The following ARHGAP21 variants were observed in gnomAD, a reference collection of about 807,000 sequenced individuals.
ARHGAP21 encodes the protein Rho GTPase activating protein 21.
A neutral mutation model predicts 164.6 loss-of-function variants in ARHGAP21; 38 were observed. The ratio of observed to expected loss-of-function variants is 0.23; its 90% CI spans 0.18 to 0.30. The LOEUF (loss-of-function observed/expected upper bound fraction) is 0.30. Ranked by LOEUF, ARHGAP21 falls within the 10% of genes least tolerant of loss-of-function variation. The pLI is 1.00. For synonymous variants in ARHGAP21, 766 were observed against 857.9 expected, an observed-to-expected ratio of 0.89 and a Z score of 1.87; for missense variants, 1,822 against 2,370.7, an observed-to-expected ratio of 0.77 and a Z score of 4.81.
At chr10:24,721,404 G>A (rs2132356272) in intron 2 of ARHGAP21, among the ~76,000 whole-genome samples, 1 of 152,250 alleles carries the variant, frequency 6.6e-6, no homozygotes, top group South Asian at 2.1e-4. Flanking sequence ...TAAGTTCCAG[G>A]TGCAACAAGC....
chr10:24,715,503 T>C (rs1369010766), intron 2 of ARHGAP21, among the ~76,000 whole-genome samples: 2 of 152,210 alleles, frequency 1.3e-5, no homozygotes, highest in African/African-American at 4.8e-5. Flanking sequence ...CATGATCTCA[T>C]CTCTTAGTGG....
chr10:24,718,989 GGATATGAAAAGGGGT>G (rs1203610358), intron 2 of ARHGAP21, among the ~76,000 whole-genome samples: 3 of 151,776 alleles, frequency 2.0e-5, no homozygotes, highest in Non-Finnish European at 4.4e-5. Flanking sequence ...GAAGCTATAT[GGATATGAAAAGGGGT>G]GATAATATCA....
intron 7 of ARHGAP21, among the ~76,000 whole-genome samples, chr10:24,626,177 T>A (rs1835121094): frequency 6.6e-6 from 1 of 152,150 alleles, no homozygotes; most frequent in South Asian, 2.1e-4. Flanking sequence ...AATCTTTGAG[T>A]CAATGGAGCC....
chr10:24,596,918 A>C, intron 16 of ARHGAP21, 36 bp from the exon 17 acceptor site: 1 of 1,576,912 alleles, frequency 6.3e-7, no homozygotes, highest in Non-Finnish European at 8.6e-7. Context: ...CAACATAATA[A>C]AATGGAAATG....
At chr10:24,592,223 G>GCATGATCA (rs2076365208) in intron 21 of ARHGAP21, among the ~76,000 whole-genome samples, 3 of 141,692 alleles carry the variant, frequency 2.1e-5, no homozygotes, top group African/African-American at 8.0e-5. Context: ...CAGTGCAGTG[G>GCATGATCA]CATGATCACA....
intron 2 of ARHGAP21, among the ~76,000 whole-genome samples, chr10:24,699,186 T>C (rs1198662648): frequency 6.6e-6 from 1 of 152,138 alleles, no homozygotes; most frequent in African/African-American, 2.4e-5. Context: ...TTTTTCAGTC[T>C]ACTTCTCTCC....
At chr10:24,628,892 TAC>T (rs1424896191) in intron 7 of ARHGAP21, 7 of 101,492 alleles carry the variant, frequency 6.9e-5, no homozygotes, top group Non-Finnish European at 1.0e-4. Context: ...CACATATATA[TAC>T]ATACATATAT....
intron 2 of ARHGAP21, among the ~76,000 whole-genome samples, chr10:24,678,722 A>C (rs1432026619): frequency 6.6e-6 from 1 of 152,140 alleles, no homozygotes; most frequent in Non-Finnish European, 1.5e-5. Context: ...TTTTAGAGAC[A>C]GGGTCTCACT....
intron 4 of ARHGAP21, among the ~76,000 whole-genome samples, chr10:24,645,905 AG>A: frequency 6.6e-6 from 1 of 152,298 alleles, no homozygotes; most frequent in Non-Finnish European, 1.5e-5. Context: ...AGGGAAAGGC[AG>A]GGCTGTTTTT....
intron 9 of ARHGAP21, among the ~76,000 whole-genome samples, chr10:24,615,122 G>A (rs557362615): frequency 2.6e-5 from 4 of 152,052 alleles, no homozygotes; most frequent in African/African-American, 4.8e-5. Flanking sequence ...CCCGGGAGGC[G>A]GAGGTTGCAG....
chr10:24,604,447 A>G (rs967520667), intron 11 of ARHGAP21, 99 bp from the exon 12 acceptor site: 14 of 758,438 alleles, frequency 1.8e-5, no homozygotes, highest in Non-Finnish European at 2.7e-5. Context: ...TTCAATAATA[A>G]TCTGACATTT....
Position 24,585,036 on chromosome 10 carries a change from T to C in ARHGAP21, c.5253A>G (p.Arg1751=). The change falls in exon 26 of 26, where the codon AGA becomes AGG. Residue 1751 remains arginine, a synonymous_variant. Coordinates refer to ENST00000396432, the MANE Select transcript of ARHGAP21 (RefSeq NM_020824.4). ...TGGGTTCCTGTTTTTCGGATTCGCC[T>C]CTGGTGGGTGTCAGTAAACTCCCAG... ...KSTGSLLTPT[R]GESEKQEPTW... 6.2e-7 allele frequency: 1 copy of C among 1,613,962 alleles called. No individual in the cohort carries two copies. The highest frequency in any genetic ancestry group is 8.5e-7 in the Non-Finnish European group (1 of 1,179,862).
At chr10:24,637,682 C>T (rs1836518051) in intron 4 of ARHGAP21, among the ~76,000 whole-genome samples, 1 of 152,096 alleles carries the variant, frequency 6.6e-6, no homozygotes, top group Admixed American at 6.6e-5. Context: ...GGTGTTAATT[C>T]TACAAAAGAA....
chr10:24,625,385 T>C (rs553932621), intron 7 of ARHGAP21, among the ~76,000 whole-genome samples: 1 of 150,852 alleles, frequency 6.6e-6, no homozygotes, highest in South Asian at 2.1e-4. Flanking sequence ...CTTTAACAGG[T>C]TATTAATTTA....
At chr10:24,719,127 A>ACACACC (rs1374934126) in intron 2 of ARHGAP21, among the ~76,000 whole-genome samples, 1 of 151,402 alleles carries the variant, frequency 6.6e-6, no homozygotes, top group East Asian at 2.0e-4. Context: ...ACACACACAC[A>ACACACC]CACCCCAAAA....
At chr10:24,721,653 T>A (rs557239867) in intron 2 of ARHGAP21, among the ~76,000 whole-genome samples, 184 bp downstream of exon 2, 9 of 151,956 alleles carry the variant, frequency 5.9e-5, no homozygotes, top group South Asian at 2.1e-4. Context: ...AACACGGGAG[T>A]CCCTGGAAAC....
intron 2 of ARHGAP21, among the ~76,000 whole-genome samples, chr10:24,677,679 G>C (rs1406942155): frequency 6.6e-6 from 1 of 152,188 alleles, no homozygotes. Context: ...TAAGAGGTAT[G>C]CTAGGCTTAG....
chr10:24,649,904 G>C (rs1010708871), intron 4 of ARHGAP21, among the ~76,000 whole-genome samples: 3 of 152,086 alleles, frequency 2.0e-5, no homozygotes. Context: ...GAAACTATAA[G>C]AAGTGATCAA....
intron 2 of ARHGAP21, among the ~76,000 whole-genome samples, chr10:24,674,758 T>C (rs1407627164): frequency 1.3e-5 from 2 of 152,054 alleles, no homozygotes; most frequent in Admixed American, 6.6e-5. Flanking sequence ...TACACTTTTA[T>C]GAAAACGAAA....
Sources: allele counts gnomAD v4.1 joint callset (sites outside exome capture counted in the v4.1 genomes callset), GRCh38; gene constraint gnomAD v4.1.1; transcripts MANE v1.5; gene names NCBI Gene and HGNC (gene_info 2026-07-23, HGNC 2026-07-21).